Variants in ZNF609 observed in about 807,000 individuals in gnomAD.
ZNF609 encodes zinc finger protein 609.
ZNF609 carries 11 observed loss-of-function variants against 109.5 expected under a neutral mutation model. The ratio of observed to expected loss-of-function variants is 0.10; its 90% confidence interval spans 0.06 to 0.17. The LOEUF is 0.17. Among genes scored for constraint, ZNF609 ranks in the 10% least tolerant of loss-of-function variants. The pLI, the probability that ZNF609 is intolerant of heterozygous loss-of-function variation, is 1.00. For synonymous variants in ZNF609, 646 were observed against 662.0 expected, an observed-to-expected ratio of 0.98 and a Z score of 0.37; for missense variants, 1,559 against 1,772.4, an observed-to-expected ratio of 0.88 and a Z score of 2.16.
chr15:64,460,486 C>T (rs1466234121), upstream of ZNF609, among the ~76,000 whole-genome samples: 1 of 152,182 alleles, frequency 6.6e-6, no homozygotes, highest in Non-Finnish European at 1.5e-5. Flanking sequence ...TTCCGGGTTT[C>T]CCCTGCGCTC....
chr15:64,559,777 C>T lies in ZNF609; in HGVS notation c.747+59611C>T, dbSNP rs189355626. Among the ~76,000 whole-genome samples, 29 of 152,242 alleles carry T rather than the reference C, an allele frequency of 1.9e-4. No homozygotes were observed. In the East Asian group the frequency reaches 5.4e-3, roughly 28 times the overall value. ...TTATTGAATAAATGAATTTGTTTAG[C>T]CCTTTCTAGTTTACTATGTGCCTTC... is the stretch of plus-strand genomic sequence containing the variant. On this transcript the variant is annotated intron_variant, in intron 2 of 9. Transcript: ENST00000326648.
intron 3 of ZNF609, among the ~76,000 whole-genome samples, chr15:64,624,810 A>G (rs1764886081): frequency 7.1e-6 from 1 of 140,786 alleles, no homozygotes; most frequent in African/African-American, 2.6e-5. Flanking sequence ...CCCAGGCTGG[A>G]GTACAGTGGT....
chr15:64,537,068 C>T (rs941779499), intron 2 of ZNF609, among the ~76,000 whole-genome samples: 1 of 151,392 alleles, frequency 6.6e-6, no homozygotes, highest in African/African-American at 2.4e-5. Flanking sequence ...ACTAAAAATA[C>T]AAAAATTAGC....
chr15:64,624,798 C>T (rs1161518198), intron 3 of ZNF609, among the ~76,000 whole-genome samples: 1 of 137,848 alleles, frequency 7.3e-6, no homozygotes, highest in East Asian at 2.2e-4. Flanking sequence ...CTCACCCTGT[C>T]ACCCAGGCTG....
intron 3 of ZNF609, among the ~76,000 whole-genome samples, chr15:64,662,815 G>A (rs545888655): frequency 1.3e-5 from 2 of 152,040 alleles, no homozygotes; most frequent in South Asian, 2.1e-4. Context: ...ACAGGCACGC[G>A]CCACTACTGC....
chr15:64,582,225 A>G (rs1331817012), intron 2 of ZNF609, among the ~76,000 whole-genome samples: 3 of 152,184 alleles, frequency 2.0e-5, no homozygotes, highest in Non-Finnish European at 2.9e-5. Flanking sequence ...ATACTACAAC[A>G]GCCAAGTTGA....
chr15:64,461,358 G>A (rs530013567), intron 1 of ZNF609, among the ~76,000 whole-genome samples: 4 of 152,086 alleles, frequency 2.6e-5, no homozygotes, highest in African/African-American at 9.7e-5. Context: ...CAGTCTTCAG[G>A]TCACATTTAC....
At chr15:64,475,009 G>T (rs1216226910) in intron 1 of ZNF609, among the ~76,000 whole-genome samples, 2 of 150,978 alleles carry the variant, frequency 1.3e-5, no homozygotes, top group African/African-American at 2.4e-5. Flanking sequence ...TCCCTGGCTG[G>T]CCTCAAACTC....
rs1283549705 is a variant in ZNF609, at chr15:64,681,798, T to G, written c.*112T>G. 6.2e-6 allele frequency: 1 copy of G among 160,342 alleles called. No homozygotes were observed. The allele number at this position is 160,342 out of a possible 1,614,324, so 9.9% of individuals were successfully genotyped here. On this transcript the variant is annotated 3_prime_UTR_variant, in exon 10 of 10. Transcript: ENST00000326648. ...CAGTTAAATGGTGTTGATCATCCTG[T>G]TTGCCGTTTCCACCATGACTGAAGG...
chr15:64,572,896 C>T (rs1055662953), intron 2 of ZNF609, among the ~76,000 whole-genome samples: 2 of 151,950 alleles, frequency 1.3e-5, no homozygotes, highest in African/African-American at 2.4e-5. Context: ...AGCAAAACTC[C>T]GTCTTGAGAA....
chr15:64,582,429 C>A (rs567011447), intron 2 of ZNF609, among the ~76,000 whole-genome samples: 1 of 152,192 alleles, frequency 6.6e-6, no homozygotes, highest in Non-Finnish European at 1.5e-5. Flanking sequence ...ATCTCTGCTC[C>A]GTCAATCCTT....
Position 64,526,738 on chromosome 15 carries a change from A to G in ZNF609, c.747+26572A>G, listed in dbSNP as rs578165275. Among the ~76,000 whole-genome samples the G allele has an allele frequency of 2.0e-5, 3 of 152,272 alleles. No homozygotes were observed. The East Asian group carries it at 5.8e-4, about 29-fold the overall frequency. ...CTGCATCCTTGACCTCCCAGGCTCAAGCAATCCTCCTGCCTCAGCCTTGCA... is the reference window on the plus strand; with the variant it reads ...CTGCATCCTTGACCTCCCAGGCTCAGGCAATCCTCCTGCCTCAGCCTTGCA... On this transcript the variant is annotated intron_variant, in intron 2 of 9. Coordinates refer to ENST00000326648, the MANE Select transcript of ZNF609 (RefSeq NM_015042.2).
intron 2 of ZNF609, among the ~76,000 whole-genome samples, chr15:64,613,000 G>A (rs988984492): frequency 2.0e-5 from 3 of 151,954 alleles, no homozygotes; most frequent in Non-Finnish European, 4.4e-5. Context: ...GGGCAACAGA[G>A]TGAGACTCTG....
chr15:64,473,191 CTTTTTTTTTT>C (rs951319279), intron 1 of ZNF609, among the ~76,000 whole-genome samples: 5 of 76,078 alleles, frequency 6.6e-5, no homozygotes, highest in African/African-American at 3.3e-4. Context: ...ATATTTGGTT[CTTTTTTTTTT>C]TTTTTTTTTT....
intron 2 of ZNF609, among the ~76,000 whole-genome samples, chr15:64,570,305 C>T (rs1053304582): frequency 8.5e-5 from 13 of 152,200 alleles, no homozygotes; most frequent in Non-Finnish European, 1.3e-4. Flanking sequence ...AACTATACTA[C>T]CTCTCATTAT....
At chr15:64,548,645 A>G (rs1284385251) in intron 2 of ZNF609, among the ~76,000 whole-genome samples, 2 of 152,168 alleles carry the variant, frequency 1.3e-5, no homozygotes, top group Non-Finnish European at 2.9e-5. Context: ...GTATGTGCCT[A>G]TATTCCCAGC....
Position 64,633,179 on chromosome 15 carries a change from A to G in ZNF609, c.973+10127A>G, listed in dbSNP as rs553012032. Among the ~76,000 whole-genome samples the G allele has an allele frequency of 3.5e-5, 5 of 143,650 alleles. No homozygotes were observed. In the East Asian group the frequency reaches 8.6e-4, roughly 25 times the overall value. 94.2% of individuals were successfully genotyped at this position (143,650 alleles called of 152,430 possible). The stretch of plus-strand genomic sequence containing the variant: ...GTTTTGTTTTTTGACACAGGGTCTC[A>G]CTCTGTTGCCCAGGCTGGAGTGCAG... On this transcript the variant is annotated intron_variant, in intron 3 of 9. Coordinates refer to ENST00000326648, the MANE Select transcript of ZNF609 (RefSeq NM_015042.2).
intron 1 of ZNF609, among the ~76,000 whole-genome samples, chr15:64,480,893 G>A (rs1372809054): frequency 6.6e-6 from 1 of 152,190 alleles, no homozygotes; most frequent in Non-Finnish European, 1.5e-5. Flanking sequence ...TCTTCATTGA[G>A]AGCAAATGTG....
intron 2 of ZNF609, among the ~76,000 whole-genome samples, chr15:64,597,706 A>T (rs1895420660): frequency 6.6e-6 from 1 of 152,158 alleles, no homozygotes; most frequent in South Asian, 2.1e-4. Flanking sequence ...GGTTCTAGAC[A>T]ACCAGAATCA....
Sources: gnomAD v4.1 joint callset for allele counts (sites outside exome capture counted in the v4.1 genomes callset) on GRCh38, gnomAD v4.1.1 for gene constraint, MANE v1.5 for transcripts, NCBI Gene and HGNC (gene_info 2026-07-23, HGNC 2026-07-21) for gene names.